GABRB3: variants seen among roughly 807,000 people sequenced by gnomAD.
GABRB3 encodes gamma-aminobutyric acid type A receptor subunit beta3.
Under a neutral mutation model 52.1 loss-of-function variants are expected in GABRB3, and 14 were observed. The ratio of observed to expected loss-of-function variants is 0.27; its 90% CI spans 0.18 to 0.42. The LOEUF (loss-of-function observed/expected upper bound fraction) is 0.42, where lower values mean the gene tolerates loss of function less well. Among genes scored for constraint, GABRB3 ranks in the 10% least tolerant of loss-of-function variants. The pLI, the probability that GABRB3 is intolerant of heterozygous loss-of-function variation, is 1.00. For missense variants in GABRB3, 307 were observed against 609.1 expected (o/e 0.50, Z 5.22); for synonymous variants, 260 against 232.3 (o/e 1.12, Z -1.08).
chr15:26,570,026 C>T (rs535700407), intron 6 of GABRB3, among the ~76,000 whole-genome samples: 21 of 152,290 alleles, frequency 1.4e-4, no homozygotes, highest in African/African-American at 4.8e-4. Context: ...CAAGCATTCT[C>T]CCAGTTGCTG....
intron 3 of GABRB3, among the ~76,000 whole-genome samples, chr15:26,687,568 CCT>C (rs1002303786): frequency 3.9e-4 from 60 of 152,136 alleles, no homozygotes; most frequent in African/African-American, 1.3e-3. Context: ...TTCCCTTTTC[CCT>C]CTCTCCCTTC....
At chr15:26,640,442 G>A (rs563340070) in intron 3 of GABRB3, among the ~76,000 whole-genome samples, 15 of 152,210 alleles carry the variant, frequency 9.9e-5, no homozygotes, top group South Asian at 2.1e-4. Context: ...GCATGAACCC[G>A]GGAGGTGGAG....
chr15:26,649,347 C>A (rs970741895), intron 3 of GABRB3, among the ~76,000 whole-genome samples: 3 of 152,170 alleles, frequency 2.0e-5, no homozygotes, highest in African/African-American at 7.2e-5. Context: ...CTCCCTCCAC[C>A]ATGTGATGAC....
intron 3 of GABRB3, among the ~76,000 whole-genome samples, chr15:26,731,774 C>A (rs115933674): frequency 6.6e-6 from 1 of 152,116 alleles, no homozygotes; most frequent in Non-Finnish European, 1.5e-5. Flanking sequence ...GTTGTGAACA[C>A]GAAAAAGCAG....
intron 4 of GABRB3, among the ~76,000 whole-genome samples, chr15:26,603,612 G>T (rs1422461632): frequency 6.6e-6 from 1 of 152,014 alleles, no homozygotes; most frequent in Non-Finnish European, 1.5e-5. Context: ...TGCAAGGATG[G>T]TTCAACATAT....
At chr15:26,626,986 G>C (rs1043877434) in intron 3 of GABRB3, among the ~76,000 whole-genome samples, 3 of 152,152 alleles carry the variant, frequency 2.0e-5, no homozygotes, top group Admixed American at 1.3e-4. Context: ...TCATTGTCTG[G>C]CTTCGGAGCT....
chr15:26,685,827 C>T (rs551634018), intron 3 of GABRB3, among the ~76,000 whole-genome samples: 3 of 138,558 alleles, frequency 2.2e-5, no homozygotes, highest in Non-Finnish European at 4.7e-5. Flanking sequence ...GCCCTAGAGA[C>T]GGGGTCTCAC....
intron 3 of GABRB3, among the ~76,000 whole-genome samples, chr15:26,667,785 C>T (rs532052665): frequency 3.9e-4 from 59 of 152,226 alleles, no homozygotes; most frequent in African/African-American, 9.4e-4. Flanking sequence ...AACTCTGGGG[C>T]TGGGATGCAG....
intron 3 of GABRB3, among the ~76,000 whole-genome samples, chr15:26,753,206 G>A (rs544253047): frequency 6.6e-6 from 1 of 152,066 alleles, no homozygotes; most frequent in Non-Finnish European, 1.5e-5. Context: ...TCCCGTCACC[G>A]CAGACACTGG....
At chr15:26,649,412 C>G (rs1392983146) in intron 3 of GABRB3, among the ~76,000 whole-genome samples, 1 of 152,184 alleles carries the variant, frequency 6.6e-6, no homozygotes, top group Admixed American at 6.5e-5. Flanking sequence ...AGACACTAAA[C>G]CTACTGCCAC....
At chr15:26,683,895 T>C (rs566110455) in intron 3 of GABRB3, among the ~76,000 whole-genome samples, 6 of 152,244 alleles carry the variant, frequency 3.9e-5, no homozygotes, top group African/African-American at 9.6e-5. Flanking sequence ...TGGAGATTGC[T>C]GTGACGTTTC....
chr15:26,598,130 C>T (rs979426595), intron 4 of GABRB3, among the ~76,000 whole-genome samples: 1 of 151,950 alleles, frequency 6.6e-6, no homozygotes, highest in Non-Finnish European at 1.5e-5. Context: ...CCAAATTTCA[C>T]CAAGGTAGAG....
At chr15:26,570,811 T>G (rs1890365877) in intron 6 of GABRB3, among the ~76,000 whole-genome samples, 1 of 152,154 alleles carries the variant, frequency 6.6e-6, no homozygotes, top group Non-Finnish European at 1.5e-5. Flanking sequence ...TTGAATTTTT[T>G]TTCTCATTCA....
At chr15:26,702,633 T>A (rs1355446257) in intron 3 of GABRB3, among the ~76,000 whole-genome samples, 1 of 152,180 alleles carries the variant, frequency 6.6e-6, no homozygotes, top group Non-Finnish European at 1.5e-5. Context: ...ACTATCACAG[T>A]GGAAAACTTG....
chr15:26,771,039 G>T (rs1340992613), intron 3 of GABRB3, among the ~76,000 whole-genome samples: 1 of 152,118 alleles, frequency 6.6e-6, no homozygotes, highest in South Asian at 2.1e-4. Context: ...AAATACATGG[G>T]ATTGTAAATT....
At chr15:26,606,808 A>ATAGATATATCGATAGATAGATATATT (rs750566618) in intron 4 of GABRB3, among the ~76,000 whole-genome samples, 9 of 84,784 alleles carry the variant, frequency 1.1e-4, no homozygotes, top group Non-Finnish European at 1.5e-4. Context: ...ATATATCTAT[A>ATAGATATATCGATAGATAGATATATT]GATAGATAGA....
At chr15:26,701,343 T>C (rs1441183563) in intron 3 of GABRB3, among the ~76,000 whole-genome samples, 1 of 151,984 alleles carries the variant, frequency 6.6e-6, no homozygotes, top group African/African-American at 2.4e-5. Context: ...GACATGAAAA[T>C]CCAATGGGAT....
At chr15:26,659,413 T>C (rs1595514068) in intron 3 of GABRB3, among the ~76,000 whole-genome samples, 2 of 152,110 alleles carry the variant, frequency 1.3e-5, no homozygotes, top group Middle Eastern at 3.4e-3. Flanking sequence ...TCCCAGCTAC[T>C]TGGGAGGCTG....
intron 3 of GABRB3, among the ~76,000 whole-genome samples, chr15:26,649,931 A>C (rs1887145663): frequency 6.6e-6 from 1 of 152,184 alleles, no homozygotes; most frequent in Admixed American, 6.5e-5. Context: ...GAGATAAAAC[A>C]GTCCAATTCT....
Sources: allele counts gnomAD v4.1 joint callset (sites outside exome capture counted in the v4.1 genomes callset), GRCh38; gene constraint gnomAD v4.1.1; transcripts MANE v1.5; gene names NCBI Gene and HGNC (gene_info 2026-07-23, HGNC 2026-07-21).